Variants in CDKAL1 observed in about 807,000 individuals in gnomAD.
CDKAL1 encodes threonylcarbamoyladenosine tRNA methylthiotransferase.
In CDKAL1, 32 loss-of-function variants were observed where a neutral mutation model predicts 68.2. That is an observed-to-expected ratio of 0.47 (90% CI 0.35 to 0.63). CDKAL1 has a LOEUF of 0.63. Among genes scored for constraint, CDKAL1 ranks in the 30% least tolerant of loss-of-function variants. CDKAL1 has a pLI of 0.00. For missense variants in CDKAL1, 606 were observed against 696.7 expected (o/e 0.87, Z 1.47); for synonymous variants, 234 against 244.3 (o/e 0.96, Z 0.39).
At chr6:20,999,675 A>G (rs1265412203) in intron 10 of CDKAL1, among the ~76,000 whole-genome samples, 6 of 146,082 alleles carry the variant, frequency 4.1e-5, no homozygotes, top group Non-Finnish European at 8.9e-5. Flanking sequence ...AAAAAAAAAA[A>G]AAAAAAAAAA....
intron 8 of CDKAL1, among the ~76,000 whole-genome samples, chr6:20,816,510 A>G (rs992453749): frequency 7.9e-5 from 12 of 152,314 alleles, no homozygotes; most frequent in African/African-American, 2.9e-4. Context: ...AAAGCAAATC[A>G]GAGGTCATTA....
chr6:21,139,708 G>C (rs1185918023), intron 13 of CDKAL1, among the ~76,000 whole-genome samples: 2 of 152,024 alleles, frequency 1.3e-5, no homozygotes, highest in African/African-American at 4.8e-5. Context: ...GGGTCTCACT[G>C]TGTTGCCCAG....
intron 12 of CDKAL1, among the ~76,000 whole-genome samples, chr6:21,073,552 G>A (rs1771909862): frequency 6.6e-6 from 1 of 152,190 alleles, no homozygotes; most frequent in African/African-American, 2.4e-5. Flanking sequence ...TAACAGGTGT[G>A]TAATGGTATC....
intron 13 of CDKAL1, among the ~76,000 whole-genome samples, chr6:21,140,463 C>G (rs1775842534): frequency 6.6e-6 from 1 of 152,208 alleles, no homozygotes; most frequent in Non-Finnish European, 1.5e-5. Flanking sequence ...TATGATAAAA[C>G]TTTAATTCAG....
Position 20,637,728 on chromosome 6 carries a change from T to A in CDKAL1, c.287-11565T>A, listed in dbSNP as rs114347077. 2.4e-3 allele frequency among the ~76,000 whole-genome samples: 358 copies of A among 152,320 alleles called. 2 individuals carry two copies. Among genetic ancestry groups the A allele is most frequent in the African/African-American group, 7.2e-3 (299 of 41,564 alleles). The stretch of plus-strand genomic sequence containing the variant: ...TTTTCCTCTTCTTTCCCATTAACTC[T>A]TTTTTACTCCCTTCTCCCAGCCCCA... On this transcript the variant is annotated intron_variant, in intron 4 of 15. Transcript: ENST00000274695.
At chr6:20,862,405 A>G (rs2150525442) in intron 9 of CDKAL1, among the ~76,000 whole-genome samples, 2 of 152,364 alleles carry the variant, frequency 1.3e-5, no homozygotes, top group Middle Eastern at 6.8e-3. Flanking sequence ...ATCCAACCTC[A>G]GTTTTCCCAT....
At chr6:21,016,620 C>G (rs400514) in intron 11 of CDKAL1, among the ~76,000 whole-genome samples, 8 of 120,180 alleles carry the variant, frequency 6.7e-5, no homozygotes, top group African/African-American at 2.3e-4. Flanking sequence ...ATTCATCCAT[C>G]CATCCATCCA....
At chr6:20,651,705 C>G (rs1342977181) in intron 5 of CDKAL1, among the ~76,000 whole-genome samples, 1 of 151,528 alleles carries the variant, frequency 6.6e-6, no homozygotes, top group Admixed American at 6.6e-5. Context: ...CATAAATGGC[C>G]CTTATTATTT....
intron 13 of CDKAL1, among the ~76,000 whole-genome samples, chr6:21,151,166 G>C (rs1263156242): frequency 1.3e-5 from 2 of 152,156 alleles, no homozygotes; most frequent in Non-Finnish European, 2.9e-5. Flanking sequence ...AGTTTGTGGG[G>C]GAGAAATGTG....
At chr6:20,617,663 C>T (rs1057471905) in intron 4 of CDKAL1, among the ~76,000 whole-genome samples, 4 of 151,980 alleles carry the variant, frequency 2.6e-5, no homozygotes, top group Admixed American at 1.3e-4. Context: ...TGAGAACATG[C>T]GGTGTTTGGT....
chr6:20,893,595 C>T (rs1044111975), intron 9 of CDKAL1, among the ~76,000 whole-genome samples: 1 of 152,134 alleles, frequency 6.6e-6, no homozygotes, highest in African/African-American at 2.4e-5. Flanking sequence ...GGCTTTCTAT[C>T]TGATAGTATG....
At chr6:21,050,843 C>A (rs902177733) in intron 11 of CDKAL1, among the ~76,000 whole-genome samples, 1 of 152,198 alleles carries the variant, frequency 6.6e-6, no homozygotes, top group Non-Finnish European at 1.5e-5. Context: ...CACTGGGGAC[C>A]TGCCCCTATC....
intron 5 of CDKAL1, among the ~76,000 whole-genome samples, chr6:20,660,240 T>C (rs540627206): frequency 6.6e-6 from 1 of 152,312 alleles, no homozygotes; most frequent in African/African-American, 2.4e-5. Flanking sequence ...TGTTTACATA[T>C]TTGGCTTGCT....
At chr6:20,714,465 TGCA>T (rs1771996452) in intron 5 of CDKAL1, among the ~76,000 whole-genome samples, 1 of 144,272 alleles carries the variant, frequency 6.9e-6, no homozygotes, top group Non-Finnish European at 1.5e-5. Context: ...CATAGTTCAC[TGCA>T]GCCTTGATTT....
intron 9 of CDKAL1, among the ~76,000 whole-genome samples, chr6:20,890,166 T>C (rs1319325515): frequency 6.6e-6 from 1 of 152,200 alleles, no homozygotes; most frequent in Non-Finnish European, 1.5e-5. Context: ...ACAAAACACC[T>C]GTATGTTTAT....
chr6:21,200,207 G>A (rs532928932), intron 14 of CDKAL1, among the ~76,000 whole-genome samples: 1 of 152,308 alleles, frequency 6.6e-6, no homozygotes, highest in East Asian at 1.9e-4. Flanking sequence ...CCCAAAGGAA[G>A]GGAAACGTTT....
intron 13 of CDKAL1, among the ~76,000 whole-genome samples, chr6:21,163,133 A>C (rs1776993599): frequency 1.3e-5 from 2 of 152,172 alleles, no homozygotes; most frequent in South Asian, 2.1e-4. Flanking sequence ...TTTAAGCCTG[A>C]TGTATAACGC....
intron 10 of CDKAL1, among the ~76,000 whole-genome samples, chr6:20,957,193 AGATCTGATCAGG>A (rs1764822275): frequency 6.6e-6 from 1 of 152,100 alleles, no homozygotes; most frequent in Admixed American, 6.6e-5. Flanking sequence ...GGATTGGAAA[AGATCTGATCAGG>A]GATCCAGGGA....
chr6:20,680,155 C>A (rs1770310073), intron 5 of CDKAL1, among the ~76,000 whole-genome samples: 1 of 152,116 alleles, frequency 6.6e-6, no homozygotes, highest in South Asian at 2.1e-4. Context: ...ACAGCCTCCA[C>A]CTCCCAGGTC....
Sources: gnomAD v4.1 joint callset for allele counts (sites outside exome capture counted in the v4.1 genomes callset) on GRCh38, gnomAD v4.1.1 for gene constraint, MANE v1.5 for transcripts, NCBI Gene and HGNC (gene_info 2026-07-23, HGNC 2026-07-21) for gene names.